The following SKP1 variants were observed in gnomAD, a reference collection of about 807,000 sequenced individuals.
The protein encoded by SKP1 is S-phase kinase associated protein 1, also known as S-phase kinase-associated protein 1.
SKP1 carries 1 observed loss-of-function variant against 21.5 expected under a neutral mutation model. That is an observed-to-expected ratio of 0.05 (90% CI 0.02 to 0.22). SKP1 has a LOEUF of 0.22. Ranked by LOEUF, SKP1 falls within the 10% of genes least tolerant of loss-of-function variation. The probability of loss-of-function intolerance (pLI) is 1.00; values close to 1 mark genes in which losing one functional copy is unlikely to be tolerated. For missense variants in SKP1, 70 were observed against 192.0 expected, an observed-to-expected ratio of 0.36 and a Z score of 3.76; for synonymous variants, 59 against 59.3, an observed-to-expected ratio of 0.99 and a Z score of 0.03.
rs13362489 is a variant in SKP1, at chr5:134,153,219, A to C, written c.*4514T>G. 0.15 allele frequency: 22,950 copies of C among 152,166 alleles called. 2,720 individuals carry two copies. The highest frequency in any genetic ancestry group is 0.32 in the African/African-American group (13,443 of 41,466). The allele number at this position is 152,166 out of a possible 1,614,324, so 9.4% of individuals were successfully genotyped here. ...GGGTGCTGTGGCTCACATCTGTAAT[A>C]CCAGCACTTTGGGAGGTTGAGGCAG... On this transcript the variant is annotated 3_prime_UTR_variant, in exon 6 of 6. Transcript: ENST00000353411.
intron 2 of SKP1, 145 bp downstream of exon 2, chr5:134,173,781 T>C (rs1561723972): frequency 9.9e-6 from 7 of 705,732 alleles, no homozygotes; most frequent in African/African-American, 3.5e-5. Context: ...ATCAGAAAAA[T>C]GTAAGTTATA....
intron 4 of SKP1, among the ~76,000 whole-genome samples, chr5:134,159,999 C>T (rs1195032985): frequency 2.6e-5 from 4 of 151,592 alleles, no homozygotes; most frequent in African/African-American, 7.3e-5. Context: ...TGTTTTATGG[C>T]CCAGAACATG....
rs1204092575 is a variant in SKP1 at position 134,155,704 on chromosome 5, A to G, written c.*2029T>C. The G allele has an allele frequency of 6.6e-6, 1 of 152,202 alleles. No homozygotes were observed. Among genetic ancestry groups the G allele is most frequent in the Non-Finnish European group, 1.5e-5 (1 of 68,042 alleles). 9.4% of individuals were successfully genotyped at this position (152,202 alleles called of 1,614,324 possible). ...GTAATAACAAGCTCCAGTTTCTTAG[A>G]AGGTGATACTTCCTTTACAAGTTAA... On this transcript the variant is annotated 3_prime_UTR_variant, in exon 6 of 6. Transcript: ENST00000353411.
At position 134,152,043 on chromosome 5, in the gene SKP1, T is replaced by G. The variant is rs1761051979; in HGVS notation, c.*5690A>C. The G allele has an allele frequency of 1.2e-5, 2 of 171,334 alleles. No homozygotes were observed. The highest frequency in any genetic ancestry group is 4.7e-5 in the African/African-American group (2 of 42,568). 10.6% of individuals were successfully genotyped at this position (171,334 alleles called of 1,614,324 possible). The stretch of plus-strand genomic sequence containing the variant: ...TCTTACACCATACTTCATCTTGATA[T>G]GCACAGCCAGTTCTCTTACTCATTC... On this transcript the variant is annotated 3_prime_UTR_variant, in exon 6 of 6. Coordinates refer to ENST00000353411, the MANE Select transcript of SKP1 (RefSeq NM_170679.3).
chr5:134,173,951 A>G lies in SKP1; in HGVS notation c.72T>C (p.Ser24=). 1 of 1,607,302 alleles carries G rather than the reference A, an allele frequency of 6.2e-7. No homozygotes were observed. ...FEVDVEIAKQ[S]VTIKTMLEDL... is the part of the protein sequence containing the mutation. ...CTTCCAACATGGTCTTAATAGTCAC[A>G]GATTGTTTGGCAATTTCCACATCAA... The change falls in exon 2 of 6, where the codon TCT becomes TCC. Residue 24 remains serine, a synonymous_variant. Coordinates refer to ENST00000353411, the MANE Select transcript of SKP1 (RefSeq NM_170679.3).
chr5:134,163,035 T>G (rs1761247990), intron 3 of SKP1, among the ~76,000 whole-genome samples: 1 of 151,732 alleles, frequency 6.6e-6, no homozygotes. Flanking sequence ...GGTAACATGG[T>G]GAAACCCTGT....
At chr5:134,164,043 AGGGAT>A (rs1761278051) in intron 3 of SKP1, among the ~76,000 whole-genome samples, 1 of 152,108 alleles carries the variant, frequency 6.6e-6, no homozygotes, top group Non-Finnish European at 1.5e-5. Context: ...ATCTTCGGCC[AGGGAT>A]GGTGACTCAA....
intron 1 of SKP1, among the ~76,000 whole-genome samples, chr5:134,176,009 A>AT (rs1254929802): frequency 6.6e-6 from 1 of 152,192 alleles, no homozygotes; most frequent in Admixed American, 6.5e-5. Context: ...AGGAGACGGT[A>AT]TTGTTCTATG....
intron 1 of SKP1, chr5:134,175,021 A>C (rs536827636): frequency 1.3e-5 from 2 of 152,230 alleles, no homozygotes; most frequent in Non-Finnish European, 2.9e-5. Flanking sequence ...CGGTGATGTC[A>C]CTATTAACTT....
At chr5:134,161,496 C>T (rs1471479413) in intron 3 of SKP1, 2 of 159,020 alleles carry the variant, frequency 1.3e-5, no homozygotes, top group Non-Finnish European at 2.7e-5. Context: ...TTAATATGTA[C>T]AGCCAATAAA....
intron 2 of SKP1, chr5:134,173,619 C>A: frequency 2.2e-6 from 1 of 448,828 alleles, no homozygotes; most frequent in Non-Finnish European, 4.3e-6. Flanking sequence ...ATTTCTATCA[C>A]TGGAACTTAT....
chr5:134,175,375 T>G (rs976327628), intron 1 of SKP1: 2 of 152,254 alleles, frequency 1.3e-5, no homozygotes, highest in African/African-American at 4.8e-5. Context: ...TTGCCAATAA[T>G]GCAGTTGTCC....
At position 134,155,667 on chromosome 5, in the gene SKP1, A is replaced by G. The variant is rs551702224; in HGVS notation, c.*2066T>C. 1 of 152,350 alleles carries G rather than the reference A, an allele frequency of 6.6e-6. No homozygotes were observed. Among genetic ancestry groups the G allele is most frequent in the Non-Finnish European group, 1.5e-5 (1 of 68,032 alleles). The allele number at this position is 152,350 out of a possible 1,614,324, so 9.4% of individuals were successfully genotyped here. ...AATTCTAACTACTGCTGAGTATTAT[A>G]CAGATCAAGTGGTAATAACAAGCTC... is the stretch of plus-strand genomic sequence containing the variant. On this transcript the variant is annotated 3_prime_UTR_variant, in exon 6 of 6. Coordinates refer to ENST00000353411, the MANE Select transcript of SKP1 (RefSeq NM_170679.3).
chr5:134,157,892 A>G, intron 5 of SKP1, 124 bp from the exon 6 acceptor site: 1 of 1,594,618 alleles, frequency 6.3e-7, no homozygotes, highest in South Asian at 1.1e-5. Flanking sequence ...GAAAATTAGA[A>G]CAACACCAGG....
At chr5:134,173,649 C>T in intron 2 of SKP1, 1 of 498,378 alleles carries the variant, frequency 2.0e-6, no homozygotes, top group South Asian at 1.6e-5. Flanking sequence ...TTTACTTGAA[C>T]AGAAATTAAC....
chr5:134,173,630 G>T (rs775428262), intron 2 of SKP1: 4 of 469,248 alleles, frequency 8.5e-6, no homozygotes, highest in Admixed American at 2.9e-5. Flanking sequence ...TGGAACTTAT[G>T]AATTCAAATT....
intron 3 of SKP1, among the ~76,000 whole-genome samples, chr5:134,166,580 CAA>C (rs36106913): frequency 9.5e-5 from 5 of 52,534 alleles, no homozygotes; most frequent in African/African-American, 4.1e-4. Context: ...ACTCTGGTCT[CAA>C]AAAAAAAAAA....
intron 3 of SKP1, among the ~76,000 whole-genome samples, chr5:134,165,254 A>G (rs1761306771): frequency 6.6e-6 from 1 of 152,162 alleles, no homozygotes; most frequent in African/African-American, 2.4e-5. Flanking sequence ...TTTTATCACT[A>G]TTTTTCTAAG....
chr5:134,166,625 T>C (rs1297229450), intron 3 of SKP1, among the ~76,000 whole-genome samples: 1 of 116,438 alleles, frequency 8.6e-6, no homozygotes, highest in African/African-American at 3.2e-5. Context: ...GAAAAAAATA[T>C]ACTTACTTGT....
Sources: gnomAD v4.1 joint callset for allele counts (sites outside exome capture counted in the v4.1 genomes callset) on GRCh38, gnomAD v4.1.1 for gene constraint, MANE v1.5 for transcripts, NCBI Gene and HGNC (gene_info 2026-07-23, HGNC 2026-07-21) for gene names.